PRR5L: variants seen among roughly 807,000 people sequenced by gnomAD.
PRR5L encodes the protein proline rich 5 like.
In PRR5L, 21 loss-of-function variants were observed where a neutral mutation model predicts 36.4. The observed-to-expected ratio is 0.58, with a 90% confidence interval of 0.41 to 0.83. PRR5L has a LOEUF of 0.83. Ranked by LOEUF, PRR5L falls within the 40% of genes least tolerant of loss-of-function variation. The pLI is 0.00. For synonymous variants in PRR5L, 188 were observed against 197.0 expected (o/e 0.95, Z 0.38); for missense variants, 381 against 473.3 (o/e 0.80, Z 1.81).
At chr11:36,443,916 G>A (rs1204982690) in intron 6 of PRR5L, among the ~76,000 whole-genome samples, 1 of 152,154 alleles carries the variant, frequency 6.6e-6, no homozygotes, top group African/African-American at 2.4e-5. Flanking sequence ...AAGACAGTAG[G>A]CTCTCTTATA....
intron 1 of PRR5L, among the ~76,000 whole-genome samples, chr11:36,307,852 T>G (rs1033831498): frequency 2.0e-5 from 3 of 152,226 alleles, no homozygotes; most frequent in Non-Finnish European, 1.5e-5. Context: ...CTTTGCTACG[T>G]CCAGGGGAAG....
At chr11:36,418,662 G>A (rs1164391057) in intron 3 of PRR5L, among the ~76,000 whole-genome samples, 1 of 152,108 alleles carries the variant, frequency 6.6e-6, no homozygotes, top group African/African-American at 2.4e-5. Context: ...CGGGCATGGT[G>A]GCGGGCGCCT....
At chr11:36,299,579 G>T (rs1856351390) in intron 1 of PRR5L, among the ~76,000 whole-genome samples, 1 of 152,150 alleles carries the variant, frequency 6.6e-6, no homozygotes, top group Non-Finnish European at 1.5e-5. Context: ...CCTGAACTGA[G>T]ACCATAGTCA....
At chr11:36,380,099 A>G (rs760723363) in intron 1 of PRR5L, among the ~76,000 whole-genome samples, 4 of 152,148 alleles carry the variant, frequency 2.6e-5, no homozygotes, top group Non-Finnish European at 4.4e-5. Context: ...AGTGGTTCAC[A>G]TGGAAGTTTC....
At chr11:36,358,403 C>G (rs1029375986) in intron 1 of PRR5L, among the ~76,000 whole-genome samples, 1 of 152,208 alleles carries the variant, frequency 6.6e-6, no homozygotes, top group African/African-American at 2.4e-5. Context: ...AACATTGAGG[C>G]AACACCCTCC....
intron 1 of PRR5L, among the ~76,000 whole-genome samples, chr11:36,301,963 A>G (rs35550431): frequency 0.4 from 61,162 of 152,012 alleles, 12,933 homozygotes; most frequent in East Asian, 0.53. Context: ...TTACTTGGAA[A>G]CAAATAAATA....
At chr11:36,358,248 G>C (rs1247437246) in intron 1 of PRR5L, among the ~76,000 whole-genome samples, 1 of 152,182 alleles carries the variant, frequency 6.6e-6, no homozygotes, top group Non-Finnish European at 1.5e-5. Flanking sequence ...AATGCTATCA[G>C]CTATCTCTTG....
chr11:36,375,591 A>T (rs1857246374), intron 1 of PRR5L, among the ~76,000 whole-genome samples: 2 of 152,200 alleles, frequency 1.3e-5, no homozygotes. Flanking sequence ...CAGCATTTTT[A>T]AAGTATTTCC....
intron 3 of PRR5L, among the ~76,000 whole-genome samples, chr11:36,408,002 C>T (rs749988217): frequency 4.9e-4 from 75 of 152,134 alleles, no homozygotes; most frequent in Non-Finnish European, 6.9e-4. Flanking sequence ...AGGCCAGGTG[C>T]GGTGGCTCAC....
At chr11:36,394,232 A>G (rs1039618712) in intron 1 of PRR5L, among the ~76,000 whole-genome samples, 2 of 152,238 alleles carry the variant, frequency 1.3e-5, no homozygotes, top group South Asian at 2.1e-4. Context: ...AATGCCCCAC[A>G]GGAAGTGGTG....
At chr11:36,409,343 C>G (rs539744586) in intron 3 of PRR5L, among the ~76,000 whole-genome samples, 1 of 152,144 alleles carries the variant, frequency 6.6e-6, no homozygotes, top group Non-Finnish European at 1.5e-5. Context: ...AGACAGGAAA[C>G]GCACATTTTC....
At chr11:36,313,640 C>T (rs546132868) in intron 1 of PRR5L, among the ~76,000 whole-genome samples, 152 of 152,262 alleles carry the variant, frequency 1.0e-3, no homozygotes, top group African/African-American at 3.3e-3. Context: ...AGTTCATTCC[C>T]GATGTCTTTT....
In PRR5L at chr11:36,310,825, C is replaced by T. The variant is rs141720661; in HGVS notation, c.-126+14387C>T. On this transcript the variant is annotated intron_variant, in intron 1 of 8. Coordinates refer to ENST00000530639, the MANE Select transcript of PRR5L (RefSeq NM_001160167.2). Reference sequence around the variant, plus strand: ...CATCCTGGCGAACATGGTGAAACCCCGTCTCTACTAAAAATACAAAAATTA... The same window carrying T: ...CATCCTGGCGAACATGGTGAAACCCTGTCTCTACTAAAAATACAAAAATTA... Among the ~76,000 whole-genome samples, 861 of 151,802 alleles carry T rather than the reference C, an allele frequency of 5.7e-3. 10 individuals are homozygous for T. The highest frequency in any genetic ancestry group is 0.019 in the African/African-American group (769 of 41,358).
At chr11:36,421,328 G>A (rs187756399) in intron 4 of PRR5L, among the ~76,000 whole-genome samples, 1 of 152,238 alleles carries the variant, frequency 6.6e-6, no homozygotes, top group African/African-American at 2.4e-5. Context: ...AGGTTTTTGG[G>A]GGCGGTTAAT....
Position 36,403,330 on chromosome 11 carries a change from G to C in PRR5L, c.197G>C (p.Gly66Ala), listed in dbSNP as rs776286628. The C allele has an allele frequency of 1.9e-6, 3 of 1,614,128 alleles. No individual in the cohort carries two copies. Among genetic ancestry groups the C allele is most frequent in the South Asian group, 1.1e-5 (1 of 91,078 alleles). Residue 66 changes from glycine to alanine, a missense_variant, in exon 3 of 9, where the codon GGG becomes GCG. Physicochemically the swap from Gly to Ala is moderately conservative, Grantham distance 60. Coordinates refer to ENST00000530639, the MANE Select transcript of PRR5L (RefSeq NM_001160167.2). ...VQTAVINVFK[G>A]GGLQSNELYA... ...ACTGCTGTGATCAACGTTTTCAAAG[G>C]GGGTGGCTTGCAAAGCAACGAGCTC...
intron 7 of PRR5L, among the ~76,000 whole-genome samples, chr11:36,448,858 A>G (rs1858888119): frequency 1.3e-5 from 2 of 150,682 alleles, no homozygotes; most frequent in Admixed American, 1.3e-4. Context: ...GACTTTTCTC[A>G]AGGTCTTGTA....
At chr11:36,429,229 A>T (rs1858444074) in intron 4 of PRR5L, among the ~76,000 whole-genome samples, 1 of 152,146 alleles carries the variant, frequency 6.6e-6, no homozygotes, top group Non-Finnish European at 1.5e-5. Context: ...TATAGCACTT[A>T]TTCTTCTTTA....
Position 36,462,667 on chromosome 11 carries a change from T to G in PRR5L, c.1038T>G (p.Pro346=), listed in dbSNP as rs1261803281. The G allele has an allele frequency of 6.2e-7, 1 of 1,609,276 alleles. No homozygotes were observed. Among genetic ancestry groups the G allele is most frequent in the Non-Finnish European group, 8.5e-7 (1 of 1,178,504 alleles). The stretch of plus-strand genomic sequence containing the variant: ...GTGAGCCCAACATCACTGACAACCC[T>G]GACGGACTGGAGGAGGGGGCCAGGG... ...CSSEPNITDN[P]DGLEEGARGS... The change falls in exon 9 of 9, where the codon CCT becomes CCG. Residue 346 remains proline (P), a synonymous_variant. Coordinates refer to ENST00000530639, the MANE Select transcript of PRR5L (RefSeq NM_001160167.2).
At chr11:36,387,077 T>C (rs1243322057) in intron 1 of PRR5L, among the ~76,000 whole-genome samples, 3 of 152,178 alleles carry the variant, frequency 2.0e-5, no homozygotes, top group Non-Finnish European at 4.4e-5. Context: ...GTGTGTTTCC[T>C]TTAGCAGTAC....
Sources: allele counts gnomAD v4.1 joint callset (sites outside exome capture counted in the v4.1 genomes callset), GRCh38; gene constraint gnomAD v4.1.1; transcripts MANE v1.5; gene names NCBI Gene and HGNC (gene_info 2026-07-23, HGNC 2026-07-21).